ACOT7: variants seen among roughly 807,000 people sequenced by gnomAD.
ACOT7 encodes the protein cytosolic acyl coenzyme A thioester hydrolase.
Under a neutral mutation model 40.2 loss-of-function variants are expected in ACOT7, and 12 were observed. The observed-to-expected ratio is 0.30, with a 90% confidence interval of 0.19 to 0.48. The LOEUF (loss-of-function observed/expected upper bound fraction) is 0.48. Among genes scored for constraint, ACOT7 ranks in the 20% least tolerant of loss-of-function variants. ACOT7 has a pLI of 0.99. For synonymous variants in ACOT7, 228 were observed against 219.5 expected (o/e 1.04, Z -0.34); for missense variants, 395 against 530.8 (o/e 0.74, Z 2.51).
chr1:6,363,633 T>C (rs1159156892), intron 1 of ACOT7, among the ~76,000 whole-genome samples: 1 of 152,160 alleles, frequency 6.6e-6, no homozygotes, highest in Non-Finnish European at 1.5e-5. Flanking sequence ...CTCTCTGCCT[T>C]GGCTGCCAGG....
chr1:6,304,072 C>T (rs185852075), intron 6 of ACOT7, among the ~76,000 whole-genome samples: 153 of 152,298 alleles, frequency 1.0e-3, no homozygotes, highest in African/African-American at 3.6e-3. Context: ...AGGCCCACCC[C>T]TAAGAAGGAC....
intron 2 of ACOT7, among the ~76,000 whole-genome samples, chr1:6,348,006 C>T (rs1397617681): frequency 1.3e-5 from 2 of 152,094 alleles, no homozygotes; most frequent in Non-Finnish European, 2.9e-5. Context: ...TGCTCTCCTG[C>T]CAGGGACCCT....
At position 6,327,328 on chromosome 1, in the gene ACOT7, C is replaced by T. The variant is rs969662589; in HGVS notation, c.596G>A (p.Gly199Glu). The T allele has an allele frequency of 5.0e-6, 8 of 1,614,078 alleles. No homozygotes were observed. The highest frequency in any genetic ancestry group is 6.8e-6 in the Non-Finnish European group (8 of 1,180,042). Reference sequence around the variant, plus strand: ...GTTGAGGACTGGCTGGACGATGTCCCCGTTCCTCCACTTGGTCTCCATGCG... The same window carrying T: ...GTTGAGGACTGGCTGGACGATGTCCTCGTTCCTCCACTTGGTCTCCATGCG... Reference protein sequence around the residue: ...LERMETKWRNGDIVQPVLNPE... With the variant: ...LERMETKWRNEDIVQPVLNPE... Residue 199 changes from glycine to glutamate, a missense_variant, in exon 5 of 9, where the codon GGG becomes GAG. Around this residue, in one of 2 missense-constraint regions of ACOT7, gnomAD observed 309 missense variants for 470.3 expected, o/e 0.66. Coordinates refer to ENST00000361521, the MANE Select transcript of ACOT7 (RefSeq NM_007274.4).
intron 2 of ACOT7, among the ~76,000 whole-genome samples, chr1:6,344,742 C>T (rs1337196547): frequency 1.7e-5 from 2 of 119,962 alleles, no homozygotes; most frequent in African/African-American, 3.2e-5. Context: ...CCAGCCTGGG[C>T]GACAGAGCAA....
rs1479451303 is a variant in ACOT7 at position 6,289,708 on chromosome 1, T to C, written c.829+5156A>G. On this transcript the variant is annotated intron_variant, in intron 7 of 8. Coordinates refer to ENST00000361521, the MANE Select transcript of ACOT7 (RefSeq NM_007274.4). This position sits in a 1 kb window ranked among gnomAD's most constrained non-coding sequence, Gnocchi z 4.6. ...TGTGTGTGTTTTGTTTTGTTTTGTT[T>C]TTAAAGAAACAGGGGTCTCACTGTG... is the stretch of plus-strand genomic sequence containing the variant. 6.6e-6 allele frequency among the ~76,000 whole-genome samples: 1 copy of C among 152,050 alleles called. No individual in the cohort carries two copies. Among genetic ancestry groups the C allele is most frequent in the Non-Finnish European group, 1.5e-5 (1 of 68,012 alleles).
intron 5 of ACOT7, among the ~76,000 whole-genome samples, chr1:6,322,481 C>G (rs1443799404): frequency 1.3e-5 from 2 of 152,214 alleles, no homozygotes; most frequent in African/African-American, 4.8e-5. Flanking sequence ...AACAAGAGTG[C>G]CCACCAAAGG....
intron 1 of ACOT7, among the ~76,000 whole-genome samples, chr1:6,371,994 G>A (rs1439930529): frequency 4.0e-5 from 6 of 151,426 alleles, no homozygotes; most frequent in South Asian, 2.1e-4. Flanking sequence ...GCAGTGAGCC[G>A]AGATTGCACC....
intron 1 of ACOT7, among the ~76,000 whole-genome samples, chr1:6,351,746 G>T (rs1007161607): frequency 6.6e-6 from 1 of 152,244 alleles, no homozygotes; most frequent in Non-Finnish European, 1.5e-5. Context: ...GCCTGTCTGT[G>T]AAGTGGAGCC....
chr1:6,293,519 C>T (rs1401456267), intron 7 of ACOT7, among the ~76,000 whole-genome samples: 4 of 152,074 alleles, frequency 2.6e-5, no homozygotes, highest in Admixed American at 6.6e-5. Context: ...CTGAGTGAGC[C>T]GCTGTCTCTA....
At chr1:6,283,245 CCT>C (rs1266353458) in intron 7 of ACOT7, among the ~76,000 whole-genome samples, 17 of 152,296 alleles carry the variant, frequency 1.1e-4, no homozygotes, top group African/African-American at 3.9e-4. Flanking sequence ...CTCACTGCAA[CCT>C]CTGTCTCCCA....
Position 6,339,390 on chromosome 1 carries a change from C to T in ACOT7, c.418+43G>A, listed in dbSNP as rs756117165. 6.2e-6 allele frequency: 10 copies of T among 1,610,816 alleles called. No homozygotes were observed. The East Asian group carries it at 6.7e-5, about 11-fold the overall frequency. ...CAGGAGGGAAGCAGCTGTGTAGCCACGGCCCTTACTGCTCCAGTCAACACT... is the reference window on the plus strand; with the variant it reads ...CAGGAGGGAAGCAGCTGTGTAGCCATGGCCCTTACTGCTCCAGTCAACACT... On this transcript the variant is annotated intron_variant, in intron 3 of 8. Transcript: ENST00000361521.
intron 6 of ACOT7, among the ~76,000 whole-genome samples, chr1:6,314,408 A>C (rs72854386): frequency 0.065 from 9,808 of 152,054 alleles, 939 homozygotes; most frequent in African/African-American, 0.21. Context: ...AAAAATAAAA[A>C]ATAAAGTACA....
At position 6,392,002 on chromosome 1, in the gene ACOT7, A is replaced by G. The variant is rs548694685; in HGVS notation, c.143+1255T>C. Among the ~76,000 whole-genome samples the G allele has an allele frequency of 2.6e-5, 4 of 151,826 alleles. No individual in the cohort carries two copies. In the East Asian group the frequency reaches 7.8e-4, roughly 30 times the overall value. ...GTCGATGGGACCAGAACAGCCACAG[A>G]GCCAAAGTCAAAGGGGCAGGGCTCC... On this transcript the variant is annotated intron_variant, in intron 1 of 8. Transcript: ENST00000361521.
At position 6,355,625 on chromosome 1, in the gene ACOT7, C is replaced by T. The variant is rs1641721948; in HGVS notation, c.144-5759G>A. 6.6e-6 allele frequency among the ~76,000 whole-genome samples: 1 copy of T among 152,228 alleles called. No individual in the cohort carries two copies. The highest frequency in any genetic ancestry group is 6.5e-5 in the Admixed American group (1 of 15,286). On this transcript the variant is annotated intron_variant, in intron 1 of 8. Transcript: ENST00000361521. This position sits in a 1 kb window ranked among gnomAD's most constrained non-coding sequence, Gnocchi z 5.0. ...AAGAAACTAGCTACTGGGCAGGGAC[C>T]TCGGTGAGATGCCTGTGTCTTTTGG...
chr1:6,346,729 A>G (rs139276434), intron 2 of ACOT7, among the ~76,000 whole-genome samples: 2 of 152,358 alleles, frequency 1.3e-5, no homozygotes, highest in African/African-American at 4.8e-5. Flanking sequence ...AGGCTGCTGC[A>G]GTGATCAGGT....
In ACOT7 at chr1:6,275,493, G is replaced by A. The variant is rs1403895289; in HGVS notation, c.1014+5609C>T. ...CACGCCTGTAATCCTAGCACTTTGG[G>A]AGGCCGAGGCAGGTGGATCACGAGA... On this transcript the variant is annotated intron_variant, in intron 8 of 8. Coordinates refer to ENST00000361521, the MANE Select transcript of ACOT7 (RefSeq NM_007274.4). The surrounding 1 kb of genome is among the most constrained non-coding windows in gnomAD (Gnocchi z 5.6). Among the ~76,000 whole-genome samples, 1 of 152,150 alleles carries A rather than the reference G, an allele frequency of 6.6e-6. No individual in the cohort carries two copies. The highest frequency in any genetic ancestry group is 6.5e-5 in the Admixed American group (1 of 15,268).
Position 6,330,260 on chromosome 1 carries a change from G to A in ACOT7, c.511-2847C>T, listed in dbSNP as rs562430899. 3.2e-4 allele frequency among the ~76,000 whole-genome samples: 49 copies of A among 152,348 alleles called. No homozygotes were observed. In the South Asian group the frequency reaches 9.9e-3, roughly 31 times the overall value. The stretch of plus-strand genomic sequence containing the variant: ...GCAATATAAGACAGCCCTGTGGCCA[G>A]GCCACCAGCAGATGGGCATAAATGC... On this transcript the variant is annotated intron_variant, in intron 4 of 8. Coordinates refer to ENST00000361521, the MANE Select transcript of ACOT7 (RefSeq NM_007274.4). This position sits in a 1 kb window ranked among gnomAD's most constrained non-coding sequence, Gnocchi z 4.6.
chr1:6,385,796 C>T (rs1164675935), intron 1 of ACOT7: 1 of 1,435,618 alleles, frequency 7.0e-7, no homozygotes, highest in Non-Finnish European at 9.1e-7. Context: ...CACCAGGCTC[C>T]TGCTCCTCCT....
chr1:6,372,806 T>A (rs189737429), intron 1 of ACOT7, among the ~76,000 whole-genome samples: 253 of 152,272 alleles, frequency 1.7e-3, no homozygotes, highest in Non-Finnish European at 2.9e-3. Flanking sequence ...CGCCTCAGCC[T>A]CCCAAAGTGC....
Sources: gnomAD v4.1 joint callset for allele counts (sites outside exome capture counted in the v4.1 genomes callset) on GRCh38, gnomAD v4.1.1 for gene constraint, gnomAD v4.1.1 regional missense constraint, Gnocchi (gnomAD v3.1) non-coding constraint, MANE v1.5 for transcripts, NCBI Gene and HGNC (gene_info 2026-07-23, HGNC 2026-07-21) for gene names.